Variants in WDR64 observed in about 807,000 individuals in gnomAD.
WDR64 encodes WD repeat domain 64, also known as WD repeat-containing protein 64.
A neutral mutation model predicts 139.3 loss-of-function variants in WDR64; 112 were observed. That is an observed-to-expected ratio of 0.80 (90% CI 0.69 to 0.94). The LOEUF (loss-of-function observed/expected upper bound fraction) is 0.94, where lower values mean the gene tolerates loss of function less well. WDR64 is among the 40% of genes least tolerant of loss of function. WDR64 has a pLI of 0.00. For synonymous variants in WDR64, 444 were observed against 437.7 expected, an observed-to-expected ratio of 1.01 and a Z score of -0.18; for missense variants, 1,206 against 1,293.1, an observed-to-expected ratio of 0.93 and a Z score of 1.03.
At chr1:241,791,780 T>C (rs187672774) in intron 25 of WDR64, among the ~76,000 whole-genome samples, 1 of 152,310 alleles carries the variant, frequency 6.6e-6, no homozygotes, top group Non-Finnish European at 1.5e-5. Context: ...ATGAATCATA[T>C]CTGCAAAGTC....
intron 22 of WDR64, 96 bp from the exon 23 acceptor site, chr1:241,783,176 C>A: frequency 9.5e-7 from 1 of 1,047,672 alleles, no homozygotes; most frequent in Non-Finnish European, 1.4e-6. Flanking sequence ...ATCTTCCACT[C>A]ATAAGCTTGG....
chr1:241,728,843 G>A (rs1244628437), intron 10 of WDR64, among the ~76,000 whole-genome samples: 1 of 147,074 alleles, frequency 6.8e-6, no homozygotes, highest in Non-Finnish European at 1.5e-5. Flanking sequence ...TTCTATGAAG[G>A]GGAGAAATTT....
chr1:241,783,146 C>G (rs1197277766), intron 22 of WDR64, 126 bp from the exon 23 acceptor site: 6 of 778,478 alleles, frequency 7.7e-6, no homozygotes, highest in Non-Finnish European at 1.0e-5. Flanking sequence ...AGGACTTAAT[C>G]ATCTAGCACA....
At chr1:241,767,825 T>C (rs957120016) in intron 16 of WDR64, among the ~76,000 whole-genome samples, 1 of 152,166 alleles carries the variant, frequency 6.6e-6, no homozygotes, top group African/African-American at 2.4e-5. Flanking sequence ...GACCCCCCTT[T>C]CTGCACCTCA....
intron 8 of WDR64, among the ~76,000 whole-genome samples, chr1:241,689,073 C>A (rs1307179263): frequency 6.6e-6 from 1 of 152,080 alleles, no homozygotes; most frequent in African/African-American, 2.4e-5. Context: ...CTGGTCGCAC[C>A]TAAGAGGGAG....
chr1:241,692,723 T>G (rs1385912928), intron 8 of WDR64, among the ~76,000 whole-genome samples: 1 of 152,160 alleles, frequency 6.6e-6, no homozygotes, highest in Non-Finnish European at 1.5e-5. Context: ...TATTTCAACT[T>G]TATAATAAGT....
intron 17 of WDR64, 136 bp from the exon 18 acceptor site, chr1:241,770,485 T>C: frequency 1.4e-6 from 1 of 692,426 alleles, no homozygotes; most frequent in Non-Finnish European, 2.4e-6. Context: ...TAAGGCATGA[T>C]TTGTTTCCTG....
At chr1:241,758,729 C>T (rs1187144673) in intron 15 of WDR64, among the ~76,000 whole-genome samples, 5 of 152,230 alleles carry the variant, frequency 3.3e-5, no homozygotes, top group African/African-American at 1.2e-4. Flanking sequence ...GATGTGACCT[C>T]AGACATTCTG....
chr1:241,701,138 T>A (rs1574021142), intron 8 of WDR64, among the ~76,000 whole-genome samples: 2 of 152,358 alleles, frequency 1.3e-5, no homozygotes, highest in East Asian at 3.8e-4. Context: ...GCCCTTCAAC[T>A]AGCATGATTT....
intron 15 of WDR64, among the ~76,000 whole-genome samples, chr1:241,764,001 A>G (rs1658036059): frequency 6.6e-6 from 1 of 152,174 alleles, no homozygotes; most frequent in African/African-American, 2.4e-5. Flanking sequence ...TCTAGAGGAT[A>G]GTGAAAAGAC....
In WDR64 at chr1:241,784,953, G is replaced by GGAA. The variant is rs766802128; in HGVS notation, c.2705+1572_2705+1573insGAA. On this transcript the variant is annotated intron_variant, in intron 23 of 27. Coordinates refer to ENST00000437684, the MANE Select transcript of WDR64 (RefSeq NM_001367482.1). ...TGGGCGACAGAGTGAGACTCTGTCT[G>GGAA]AAAAAAAAAAAAAAAAAAAAAAAGA... 7.4e-4 allele frequency among the ~76,000 whole-genome samples: 46 copies of GGAA among 62,244 alleles called. 2 individuals are homozygous for GGAA. The highest frequency in any genetic ancestry group is 1.8e-3 in the East Asian group (3 of 1,646). 40.8% of individuals were successfully genotyped at this position (62,244 alleles called of 152,430 possible).
intron 21 of WDR64, among the ~76,000 whole-genome samples, chr1:241,778,621 T>C (rs757213002): frequency 1.2e-4 from 19 of 152,210 alleles, no homozygotes; most frequent in Non-Finnish European, 2.5e-4. Context: ...GCAATTTTAA[T>C]TGAGCATTTT....
At chr1:241,784,223 C>G (rs1658951754) in intron 23 of WDR64, among the ~76,000 whole-genome samples, 1 of 152,168 alleles carries the variant, frequency 6.6e-6, no homozygotes, top group Admixed American at 6.5e-5. Flanking sequence ...ATAGCCACTG[C>G]ACAGAATTTT....
intron 8 of WDR64, among the ~76,000 whole-genome samples, chr1:241,705,967 C>A (rs1352395115): frequency 1.3e-5 from 2 of 152,076 alleles, no homozygotes; most frequent in Non-Finnish European, 1.5e-5. Flanking sequence ...CTTTATAGGT[C>A]CCTCCCACCA....
chr1:241,696,083 C>CAGG (rs1667470624), intron 8 of WDR64, among the ~76,000 whole-genome samples: 1 of 124,818 alleles, frequency 8.0e-6, no homozygotes, highest in South Asian at 2.5e-4. Flanking sequence ...CACTGTACTC[C>CAGG]AGCCTGTGGA....
rs549486106 is a variant in WDR64 at position 241,655,188 on chromosome 1, G to C, written c.145+2559G>C. Among the ~76,000 whole-genome samples the C allele has an allele frequency of 5.9e-5, 9 of 152,250 alleles. 1 individual carries two copies. The East Asian group carries it at 1.4e-3, about 23-fold the overall frequency. On this transcript the variant is annotated intron_variant, in intron 1 of 27. Transcript: ENST00000437684. ...TCACGAAGTCAGGAGTTCAAGACCA[G>C]CCTTGCCAACATGATGAAACCCTGT... is the stretch of plus-strand genomic sequence containing the variant.
At chr1:241,787,476 C>T (rs1032326438) in intron 23 of WDR64, among the ~76,000 whole-genome samples, 15 of 151,720 alleles carry the variant, frequency 9.9e-5, no homozygotes, top group African/African-American at 2.7e-4. Context: ...ACCAGCCTGG[C>T]CAAAGTGGTG....
At chr1:241,786,599 C>T (rs529957604) in intron 23 of WDR64, among the ~76,000 whole-genome samples, 138 of 152,226 alleles carry the variant, frequency 9.1e-4, no homozygotes, top group African/African-American at 3.2e-3. Flanking sequence ...AGGGTATTTG[C>T]ACAATAGTAG....
chr1:241,701,514 G>C (rs1266417309), intron 8 of WDR64, among the ~76,000 whole-genome samples: 1 of 152,170 alleles, frequency 6.6e-6, no homozygotes, highest in Non-Finnish European at 1.5e-5. Context: ...AGTGCAATCT[G>C]ATCTTTGCTC....
Sources: gnomAD v4.1 joint callset for allele counts (sites outside exome capture counted in the v4.1 genomes callset) on GRCh38, gnomAD v4.1.1 for gene constraint, MANE v1.5 for transcripts, NCBI Gene and HGNC (gene_info 2026-07-23, HGNC 2026-07-21) for gene names.